The following DTNA variants were observed in gnomAD, a reference collection of about 807,000 sequenced individuals.
DTNA encodes the protein dystrophin-related protein 3.
DTNA carries 43 observed loss-of-function variants against 100.7 expected under a neutral mutation model. The observed-to-expected ratio is 0.43, with a 90% CI of 0.33 to 0.55. The LOEUF is 0.55. Among genes scored for constraint, DTNA ranks in the 20% least tolerant of loss-of-function variants. The pLI is 0.04. For synonymous variants in DTNA, 349 were observed against 347.9 expected (o/e 1.00, Z -0.04); for missense variants, 798 against 953.9 (o/e 0.84, Z 2.15).
chr18:34,595,272 C>T (rs529194954), intron 1 of DTNA, among the ~76,000 whole-genome samples: 1 of 152,248 alleles, frequency 6.6e-6, no homozygotes, highest in East Asian at 1.9e-4. Flanking sequence ...CACACAGTAA[C>T]ACATGTAGGC....
At chr18:34,691,608 T>C (rs2079774540) in intron 1 of DTNA, among the ~76,000 whole-genome samples, 1 of 152,228 alleles carries the variant, frequency 6.6e-6, no homozygotes, top group African/African-American at 2.4e-5. Flanking sequence ...TTCCTTAGCA[T>C]GTCATAATAC....
At chr18:34,742,645 G>GATAGATAGATAATAGATTAT (rs2090895100) in intron 1 of DTNA, among the ~76,000 whole-genome samples, 1 of 152,012 alleles carries the variant, frequency 6.6e-6, no homozygotes, top group African/African-American at 2.4e-5. Context: ...TATCTATCTA[G>GATAGATAGATAATAGATTAT]ATAGATAGAT....
At chr18:34,568,311 G>A (rs1292901462) in intron 1 of DTNA, among the ~76,000 whole-genome samples, 2 of 152,116 alleles carry the variant, frequency 1.3e-5, no homozygotes, top group Non-Finnish European at 2.9e-5. Context: ...ATTTGTCAAG[G>A]CATTCTGGCG....
intron 1 of DTNA, among the ~76,000 whole-genome samples, chr18:34,685,214 C>T (rs1301420101): frequency 1.3e-5 from 2 of 152,148 alleles, no homozygotes; most frequent in Non-Finnish European, 2.9e-5. Context: ...AGTCTTTGCC[C>T]ATGCCTATGT....
intron 1 of DTNA, among the ~76,000 whole-genome samples, chr18:34,685,308 T>C (rs1421283026): frequency 1.3e-5 from 2 of 152,180 alleles, no homozygotes; most frequent in Non-Finnish European, 2.9e-5. Context: ...CTTGAGTTAA[T>C]TTTTGTATGA....
chr18:34,595,470 G>T (rs536560353), intron 1 of DTNA, among the ~76,000 whole-genome samples: 1 of 152,042 alleles, frequency 6.6e-6, no homozygotes, highest in Admixed American at 6.6e-5. Context: ...GACAGAAAAA[G>T]AGACAAATAT....
At chr18:34,770,747 AT>A (rs1210172615) in intron 3 of DTNA, among the ~76,000 whole-genome samples, 1 of 149,834 alleles carries the variant, frequency 6.7e-6, no homozygotes, top group Non-Finnish European at 1.5e-5. Flanking sequence ...TGTAACCCCA[AT>A]TTTTAAAAAT....
At chr18:34,708,774 A>G (rs561408123), upstream of DTNA, among the ~76,000 whole-genome samples, 8 of 152,224 alleles carry the variant, frequency 5.3e-5, no homozygotes, top group Non-Finnish European at 1.0e-4. Context: ...CAAAAATCAC[A>G]TATTGACTAA....
intron 1 of DTNA, among the ~76,000 whole-genome samples, chr18:34,689,976 ATGG>A (rs1345648499): frequency 6.6e-6 from 1 of 152,184 alleles, no homozygotes; most frequent in African/African-American, 2.4e-5. Flanking sequence ...AGCCTCAGTA[ATGG>A]TGGAAGCCCC....
intron 1 of DTNA, among the ~76,000 whole-genome samples, chr18:34,673,961 C>T (rs1416748025): frequency 6.6e-6 from 1 of 152,186 alleles, no homozygotes; most frequent in African/African-American, 2.4e-5. Flanking sequence ...AAGTGAGGCA[C>T]AGCAGTGGCC....
At chr18:34,604,419 C>A (rs1310690180) in intron 1 of DTNA, among the ~76,000 whole-genome samples, 1 of 151,850 alleles carries the variant, frequency 6.6e-6, no homozygotes, top group African/African-American at 2.4e-5. Context: ...TATATTTATT[C>A]ATAGGGCCAT....
At chr18:34,731,485 CAA>C (rs10712202) in intron 1 of DTNA, among the ~76,000 whole-genome samples, 10 of 106,576 alleles carry the variant, frequency 9.4e-5, no homozygotes, top group Non-Finnish European at 8.1e-5. Flanking sequence ...GACTCCGTCT[CAA>C]AAAAAAAAAA....
intron 1 of DTNA, among the ~76,000 whole-genome samples, chr18:34,512,682 G>A (rs1369564614): frequency 6.6e-6 from 1 of 152,014 alleles, no homozygotes. Flanking sequence ...AAAGGTATAT[G>A]TGAGAATTAC....
chr18:34,594,666 A>C (rs1016345060), intron 1 of DTNA, among the ~76,000 whole-genome samples: 2 of 152,140 alleles, frequency 1.3e-5, no homozygotes, highest in African/African-American at 4.8e-5. Context: ...ACACTGTGTC[A>C]CTCTTCTAAA....
intron 1 of DTNA, among the ~76,000 whole-genome samples, chr18:34,630,180 C>A (rs1158147979): frequency 6.6e-6 from 1 of 151,998 alleles, no homozygotes; most frequent in Non-Finnish European, 1.5e-5. Flanking sequence ...TAGCAACTGC[C>A]ATCATCTTAA....
intron 1 of DTNA, among the ~76,000 whole-genome samples, chr18:34,685,861 G>A (rs191965740): frequency 6.6e-6 from 1 of 152,108 alleles, no homozygotes; most frequent in Non-Finnish European, 1.5e-5. Flanking sequence ...CACATCCCTT[G>A]TAAGTTGTAT....
intron 1 of DTNA, among the ~76,000 whole-genome samples, chr18:34,743,045 C>A (rs1301375542): frequency 2.6e-5 from 4 of 152,060 alleles, no homozygotes; most frequent in Admixed American, 2.6e-4. Flanking sequence ...CACATTCTCC[C>A]AGTCTTCCCT....
rs1259119291 is a variant in DTNA at position 34,753,098 on chromosome 18, T to G, written c.-1-2878T>G. 4.6e-5 allele frequency among the ~76,000 whole-genome samples: 7 copies of G among 152,300 alleles called. No homozygotes were observed. In the East Asian group the frequency reaches 1.4e-3, roughly 29 times the overall value. ...TTTTCTCTTTCATTCATTTATTCAA[T>G]AAATACTAGCTGGCCATATCATTTG... On this transcript the variant is annotated intron_variant, in intron 1 of 22. Transcript: ENST00000444659.
At chr18:34,849,079 G>A (rs1192027542) in intron 14 of DTNA, among the ~76,000 whole-genome samples, 1 of 152,202 alleles carries the variant, frequency 6.6e-6, no homozygotes, top group African/African-American at 2.4e-5. Flanking sequence ...ATCCGTGACT[G>A]TAACACTGTT....
Sources: gnomAD v4.1 joint callset for allele counts (sites outside exome capture counted in the v4.1 genomes callset) on GRCh38, gnomAD v4.1.1 for gene constraint, MANE v1.5 for transcripts, NCBI Gene and HGNC (gene_info 2026-07-23, HGNC 2026-07-21) for gene names.